GFM1: variants seen among roughly 807,000 people sequenced by gnomAD.
The protein encoded by GFM1 is G elongation factor mitochondrial 1.
Under a neutral mutation model 96.2 loss-of-function variants are expected in GFM1, and 62 were observed. The observed-to-expected ratio is 0.64, with a 90% confidence interval of 0.53 to 0.80. The LOEUF is 0.80. GFM1 is among the 30% of genes least tolerant of loss of function. The probability of loss-of-function intolerance (pLI) is 0.00; values close to 1 mark genes in which losing one functional copy is unlikely to be tolerated. For missense variants in GFM1, 852 were observed against 916.6 expected (o/e 0.93, Z 0.91); for synonymous variants, 282 against 312.9 (o/e 0.90, Z 1.04).
chr3:158,659,255 T>A lies in GFM1; in HGVS notation c.1221+196T>A, dbSNP rs937965092. ...TTAGCAGTTGTTAACTCATTTTTTTTAATACCGCTAGTTGTGAATTAGCTA... is the reference window on the plus strand; with the variant it reads ...TTAGCAGTTGTTAACTCATTTTTTTAAATACCGCTAGTTGTGAATTAGCTA... On this transcript the variant is annotated intron_variant, in intron 9 of 17. Transcript: ENST00000486715. 2.0e-5 allele frequency among the ~76,000 whole-genome samples: 3 copies of A among 152,226 alleles called. 1 individual carries two copies. Among genetic ancestry groups the A allele is most frequent in the East Asian group, 3.8e-4 (2 of 5,208 alleles).
rs1432966799 is a variant in GFM1 at position 158,679,603 on chromosome 3, TC to T, written c.1602-2391del. ...GGTTAGTTCTCCTCTTAAGGCTTTTTCTAAGAAGTTGGAGGAATTTTTTTCT... is the reference window on the plus strand; with the variant it reads ...GGTTAGTTCTCCTCTTAAGGCTTTTTTAAGAAGTTGGAGGAATTTTTTTCT... On this transcript the variant is annotated intron_variant, in intron 13 of 17. Transcript: ENST00000486715. Among the ~76,000 whole-genome samples the T allele has an allele frequency of 5.3e-5, 8 of 152,350 alleles. 1 individual carries two copies. Among genetic ancestry groups the T allele is most frequent in the East Asian group, 3.9e-4 (2 of 5,184 alleles).
chr3:158,679,546 C>G (rs1423706708), intron 13 of GFM1, among the ~76,000 whole-genome samples: 9 of 152,104 alleles, frequency 5.9e-5, no homozygotes, highest in Non-Finnish European at 1.5e-5. Flanking sequence ...GTTATATTAG[C>G]CAGCAACTAT....
chr3:158,655,552 T>G (rs1560131643), intron 8 of GFM1, among the ~76,000 whole-genome samples: 1 of 152,018 alleles, frequency 6.6e-6, no homozygotes, highest in Non-Finnish European at 1.5e-5. Context: ...ATTCTTATAG[T>G]ACAACATTAT....
chr3:158,686,859 A>G (rs1232655790), intron 15 of GFM1, among the ~76,000 whole-genome samples: 1 of 151,222 alleles, frequency 6.6e-6, no homozygotes, highest in East Asian at 2.0e-4. Context: ...CAGCCTCCCA[A>G]GTAGCTGAGA....
rs1722092705 is a variant in GFM1, at chr3:158,649,173, A to G, written c.689+16A>G. ...GAGACTTTGGGTAAGTGCTAAAAATACATTATTAAAATTTTAAATTTTAAA... is the reference window on the plus strand; with the variant it reads ...GAGACTTTGGGTAAGTGCTAAAAATGCATTATTAAAATTTTAAATTTTAAA... On this transcript the variant is annotated intron_variant, in intron 5 of 17. Transcript: ENST00000486715. 1.0e-6 allele frequency: 1 copy of G among 992,764 alleles called. No individual in the cohort carries two copies. Among genetic ancestry groups the G allele is most frequent in the South Asian group, 1.3e-5 (1 of 76,756 alleles). The allele number at this position is 992,764 out of a possible 1,614,324, so 61.5% of individuals were successfully genotyped here.
intron 13 of GFM1, among the ~76,000 whole-genome samples, chr3:158,681,262 A>G (rs1361830550): frequency 1.3e-5 from 2 of 152,202 alleles, no homozygotes; most frequent in African/African-American, 2.4e-5. Context: ...GAAGATTTCA[A>G]TTTAAAGGAA....
intron 16 of GFM1, among the ~76,000 whole-genome samples, 171 bp from the exon 17 acceptor site, chr3:158,690,966 ATT>A (rs1399328338): frequency 6.6e-6 from 1 of 152,248 alleles, no homozygotes. Context: ...TTCAAATAGG[ATT>A]TCCACTTGGA....
intron 13 of GFM1, among the ~76,000 whole-genome samples, chr3:158,677,662 G>A (rs28838673): frequency 0.016 from 2,449 of 152,208 alleles, 53 homozygotes; most frequent in African/African-American, 0.057. Context: ...CTGCCACCAT[G>A]CCCGACTAAG....
intron 1 of GFM1, 90 bp downstream of exon 1, chr3:158,644,805 C>T: frequency 9.2e-7 from 1 of 1,082,734 alleles, no homozygotes; most frequent in Non-Finnish European, 1.4e-6. Context: ...CCCCCTGGGT[C>T]CTCATGACTG....
intron 2 of GFM1, 166 bp downstream of exon 2, chr3:158,645,947 G>T: frequency 1.2e-6 from 1 of 839,260 alleles, no homozygotes; most frequent in Non-Finnish European, 1.9e-6. Flanking sequence ...TCTGTGTTCT[G>T]GTTTTATTTT....
intron 17 of GFM1, 29 bp from the exon 18 acceptor site, chr3:158,691,307 A>AG: frequency 6.2e-7 from 1 of 1,613,374 alleles, no homozygotes; most frequent in Non-Finnish European, 8.5e-7. Flanking sequence ...AAACAAACAA[A>AG]AAACCCTCTC....
In GFM1 at chr3:158,669,667, T is replaced by C. The variant is rs1233771460; in HGVS notation, c.1601+3281T>C. The C allele has an allele frequency of 1.5e-5, 23 of 1,486,932 alleles. No individual in the cohort carries two copies. The East Asian group carries it at 5.2e-4, about 34-fold the overall frequency. The allele number at this position is 1,486,932 out of a possible 1,614,324, so 92.1% of individuals were successfully genotyped here. A position where few individuals can be genotyped will look rare whatever the true frequency, so the allele number is the denominator to read the frequency against. ...ACAGAAGGCTATTCATTATTAATTA[T>C]CATCTTTGAGATATGATTTAAAGCA... is the stretch of plus-strand genomic sequence containing the variant. On this transcript the variant is annotated intron_variant, in intron 13 of 17. Coordinates refer to ENST00000486715, the MANE Select transcript of GFM1 (RefSeq NM_024996.7).
At chr3:158,684,471 G>GTT in intron 14 of GFM1, 53 bp from the exon 15 acceptor site, 1 of 1,588,670 alleles carries the variant, frequency 6.3e-7, no homozygotes, top group Non-Finnish European at 8.6e-7. Context: ...TCTTGATAAT[G>GTT]TATCTGCAAG....
In GFM1 at chr3:158,682,172, A is replaced by C; in HGVS notation, c.1764+15A>C. On this transcript the variant is annotated intron_variant, in intron 14 of 17. Transcript: ENST00000486715. ...CTGTAGAAAAGGTAAATTTTTAAAAAAGTGTTTTTGCATTTTTACTTACTA... is the reference window on the plus strand; with the variant it reads ...CTGTAGAAAAGGTAAATTTTTAAAACAGTGTTTTTGCATTTTTACTTACTA... 2 of 1,606,450 alleles carry C rather than the reference A, an allele frequency of 1.2e-6. No individual in the cohort carries two copies. The highest frequency in any genetic ancestry group is 1.7e-6 in the Non-Finnish European group (2 of 1,174,978).
At chr3:158,665,221 T>G in intron 11 of GFM1, 116 bp from the exon 12 acceptor site, 1 of 761,890 alleles carries the variant, frequency 1.3e-6, no homozygotes, top group Non-Finnish European at 2.3e-6. Flanking sequence ...TAGATATGTA[T>G]CATTTTTATT....
At chr3:158,671,359 A>G (rs969672543) in intron 13 of GFM1, among the ~76,000 whole-genome samples, 1 of 152,234 alleles carries the variant, frequency 6.6e-6, no homozygotes, top group Non-Finnish European at 1.5e-5. Context: ...AAAGATGACA[A>G]TATCACCTTT....
intron 13 of GFM1, chr3:158,672,336 C>A: frequency 6.2e-7 from 1 of 1,613,240 alleles, no homozygotes; most frequent in Non-Finnish European, 8.5e-7. Context: ...TCCACCACCC[C>A]CTGCTAAACT....
chr3:158,684,559 T>C lies in GFM1; in HGVS notation c.1800T>C (p.Ser600=), dbSNP rs1252819942. 1 of 1,614,150 alleles carries C rather than the reference T, an allele frequency of 6.2e-7. No homozygotes were observed. Among genetic ancestry groups the C allele is most frequent in the African/African-American group, 1.3e-5 (1 of 75,060 alleles). The change falls in exon 15 of 18, where the codon TCT becomes TCC. Residue 600 remains serine (S), a synonymous_variant. Transcript: ENST00000486715. ...FLDACEKGPL[S]GHKLSGLRFV... is the part of the protein sequence containing the mutation. ...ATGCCTGCGAGAAGGGCCCTCTTTCTGGTCACAAGCTCTCTGGGCTCCGGT... is the reference window on the plus strand; with the variant it reads ...ATGCCTGCGAGAAGGGCCCTCTTTCCGGTCACAAGCTCTCTGGGCTCCGGT...
In GFM1 at chr3:158,671,596, C is replaced by T. The variant is rs138183485; in HGVS notation, c.1601+5210C>T. 7.6e-4 allele frequency among the ~76,000 whole-genome samples: 116 copies of T among 152,264 alleles called. 2 individuals are homozygous for T. In the East Asian group the frequency reaches 0.021, roughly 28 times the overall value. On this transcript the variant is annotated intron_variant, in intron 13 of 17. Transcript: ENST00000486715. ...ACAGATTGAAAATTTATACCTAATTCTGTTATCTGGTACAGTTTCAAAATA... is the reference window on the plus strand; with the variant it reads ...ACAGATTGAAAATTTATACCTAATTTTGTTATCTGGTACAGTTTCAAAATA...
Sources: gnomAD v4.1 joint callset for allele counts (sites outside exome capture counted in the v4.1 genomes callset) on GRCh38, gnomAD v4.1.1 for gene constraint, MANE v1.5 for transcripts, NCBI Gene and HGNC (gene_info 2026-07-23, HGNC 2026-07-21) for gene names.